Variants in SSPN observed in about 807,000 individuals in gnomAD.
SSPN encodes the protein sarcospan, also known as K-ras oncogene-associated protein.
A neutral mutation model predicts 19.1 loss-of-function variants in SSPN; 15 were observed. The ratio of observed to expected loss-of-function variants is 0.78; its 90% CI spans 0.52 to 1.21. SSPN has a LOEUF of 1.21. Ranked by LOEUF, SSPN falls within the 50% of genes most tolerant of loss-of-function variation. SSPN has a pLI of 0.00. For missense variants in SSPN, 291 were observed against 314.0 expected (o/e 0.93, Z 0.55); for synonymous variants, 147 against 140.3 (o/e 1.05, Z -0.34).
At position 26,129,905 on chromosome 12, in the gene SSPN, C is replaced by T. The variant is rs552111216; in HGVS notation, c.-31+7753C>T. ...TTCATGCAGGCTGTTCTGCATTTCA[C>T]GTGTGCTCAAAATTCCTGGAGTTCT... On this transcript the variant is annotated intron_variant, in intron 1 of 2. Coordinates refer to the SSPN transcript ENST00000538142. Among the ~76,000 whole-genome samples the T allele has an allele frequency of 3.9e-5, 6 of 152,274 alleles. No homozygotes were observed. In the South Asian group the frequency reaches 1.0e-3, roughly 26 times the overall value.
At chr12:26,229,826 T>C (rs986706865) in intron 2 of SSPN, among the ~76,000 whole-genome samples, 4 of 152,248 alleles carry the variant, frequency 2.6e-5, no homozygotes, top group African/African-American at 9.6e-5. Flanking sequence ...CACAAAAATA[T>C]TTCTTGTTCC....
At chr12:26,147,487 T>C (rs542902459) in intron 1 of SSPN, among the ~76,000 whole-genome samples, 1 of 152,308 alleles carries the variant, frequency 6.6e-6, no homozygotes, top group African/African-American at 2.4e-5. Context: ...GCCAGGTTGG[T>C]CTTGAACTCC....
At position 26,232,015 on chromosome 12, in the gene SSPN, AAATT is replaced by A; in HGVS notation, c.*941_*944del. The A allele has an allele frequency of 1.0e-6, 1 of 985,372 alleles. No homozygotes were observed. The highest frequency in any genetic ancestry group is 1.2e-6 in the Non-Finnish European group (1 of 829,882). 61.0% of individuals were successfully genotyped at this position (985,372 alleles called of 1,614,324 possible). A position where few individuals can be genotyped will look rare whatever the true frequency, so the allele number is the denominator to read the frequency against. On this transcript the variant is annotated 3_prime_UTR_variant, in exon 3 of 3. Transcript: ENST00000242729. ...AAGCCAAGCACCACAAGGAAAAAAA[AAATT>A]ATTAATAGCTCAGGTTAAAAACACC...
intron 1 of SSPN, among the ~76,000 whole-genome samples, chr12:26,127,485 G>A (rs1944373303): frequency 6.6e-6 from 1 of 151,694 alleles, no homozygotes; most frequent in Admixed American, 6.6e-5. Flanking sequence ...CCCCACTTCC[G>A]TACCCTTTTC....
At chr12:26,193,768 A>G (rs1944803394), upstream of SSPN, among the ~76,000 whole-genome samples, 1 of 152,168 alleles carries the variant, frequency 6.6e-6, no homozygotes, top group Admixed American at 6.5e-5. Context: ...CTCTGCATGG[A>G]ACTGGGATGT....
In SSPN at chr12:26,124,464, G is replaced by T. The variant is rs562587349; in HGVS notation, c.-31+2312G>T. 1.8e-5 allele frequency: 28 copies of T among 1,544,532 alleles called. No homozygotes were observed. The East Asian group carries it at 5.4e-4, about 30-fold the overall frequency. ...GGCAGAGCTTCACTGTGAAATCAAT[G>T]GCTCTAATTAACTACCCATGCAGGT... On this transcript the variant is annotated intron_variant, in intron 1 of 2. Coordinates refer to the SSPN transcript ENST00000538142.
chr12:26,214,686 C>T (rs1301004539), intron 1 of SSPN: 2 of 152,160 alleles, frequency 1.3e-5, no homozygotes, highest in Non-Finnish European at 2.9e-5. Context: ...TGAACTGTTA[C>T]TTGATGTTTC....
Position 26,232,406 on chromosome 12 carries a change from A to T in SSPN, c.*1330A>T, listed in dbSNP as rs993660413. The stretch of plus-strand genomic sequence containing the variant: ...TGCTATTAAATTCTGAACTGTATCC[A>T]TATTTTAAGGAAGGAGCTAAAAATG... On this transcript the variant is annotated 3_prime_UTR_variant, in exon 3 of 3. Coordinates refer to ENST00000242729, the MANE Select transcript of SSPN (RefSeq NM_005086.5). 1.0e-6 allele frequency: 1 copy of T among 985,324 alleles called. No homozygotes were observed. The highest frequency in any genetic ancestry group is 1.2e-6 in the Non-Finnish European group (1 of 829,924). 61.0% of individuals were successfully genotyped at this position (985,324 alleles called of 1,614,324 possible). A position where few individuals can be genotyped will look rare whatever the true frequency, so the allele number is the denominator to read the frequency against.
chr12:26,152,855 G>T (rs1944533586), intron 1 of SSPN, among the ~76,000 whole-genome samples: 4 of 152,110 alleles, frequency 2.6e-5, no homozygotes, highest in African/African-American at 7.2e-5. Context: ...ATCTTATCTG[G>T]CTGCAGCCTC....
chr12:26,165,061 G>A (rs1248947167), intron 1 of SSPN, among the ~76,000 whole-genome samples: 1 of 152,126 alleles, frequency 6.6e-6, no homozygotes, highest in Non-Finnish European at 1.5e-5. Context: ...AAAATGCTTA[G>A]AGCATTTTTT....
rs1565685553 is a variant in SSPN, at chr12:26,201,047, T to TATATATATATATATA, written c.279+5108_279+5109insATAATATATATATAT. ...TATATATATATATATATATATATAT[T>TATATATATATATATA]ATATATATATATTTGGAAATAAAAT... On this transcript the variant is annotated intron_variant, in intron 1 of 2. Coordinates refer to ENST00000242729, the MANE Select transcript of SSPN (RefSeq NM_005086.5). 7.5e-3 allele frequency among the ~76,000 whole-genome samples: 381 copies of TATATATATATATATA among 50,902 alleles called. 8 individuals are homozygous for TATATATATATATATA. Among genetic ancestry groups the TATATATATATATATA allele is most frequent in the African/African-American group, 0.024 (238 of 9,900 alleles). The allele number at this position is 50,902 out of a possible 152,430, so 33.4% of individuals were successfully genotyped here.
At chr12:26,224,220 A>T in intron 1 of SSPN, 73 bp from the exon 2 acceptor site, 1 of 1,004,100 alleles carries the variant, frequency 1.0e-6, no homozygotes, top group South Asian at 1.3e-5. Flanking sequence ...CTGCAGGAAG[A>T]TACTGAGACT....
intron 1 of SSPN, among the ~76,000 whole-genome samples, chr12:26,130,789 C>A (rs1310840308): frequency 6.6e-6 from 1 of 152,182 alleles, no homozygotes; most frequent in Admixed American, 6.5e-5. Flanking sequence ...TTTCCACTCT[C>A]CACCAGCGTC....
chr12:26,156,529 T>TA (rs1437029665), intron 1 of SSPN, among the ~76,000 whole-genome samples: 1 of 152,084 alleles, frequency 6.6e-6, no homozygotes, highest in African/African-American at 2.4e-5. Flanking sequence ...CAAGGCTGAG[T>TA]AACAAACAAA....
intron 1 of SSPN, among the ~76,000 whole-genome samples, chr12:26,138,285 A>G (rs578246389): frequency 3.3e-5 from 5 of 152,224 alleles, no homozygotes; most frequent in African/African-American, 9.6e-5. Flanking sequence ...CAGAGGGCCA[A>G]CTGTATTTAA....
chr12:26,178,923 C>T (rs1343127241), intron 1 of SSPN, among the ~76,000 whole-genome samples: 1 of 152,232 alleles, frequency 6.6e-6, no homozygotes, highest in African/African-American at 2.4e-5. Context: ...ATTTGGCACT[C>T]ACCATGGGCC....
chr12:26,206,406 T>G (rs1944931855), intron 1 of SSPN, among the ~76,000 whole-genome samples: 1 of 152,222 alleles, frequency 6.6e-6, no homozygotes, highest in South Asian at 2.1e-4. Flanking sequence ...ACAATCCCAT[T>G]CCAATGTTAC....
intron 1 of SSPN, among the ~76,000 whole-genome samples, chr12:26,146,358 TCTGACTC>T (rs1469409848): frequency 2.0e-5 from 3 of 152,232 alleles, no homozygotes; most frequent in African/African-American, 7.2e-5. Context: ...TCACCCTCGT[TCTGACTC>T]CTGTTGTGCC....
At chr12:26,132,380 G>GA (rs1236148855) in intron 1 of SSPN, among the ~76,000 whole-genome samples, 5 of 152,290 alleles carry the variant, frequency 3.3e-5, no homozygotes, top group African/African-American at 1.2e-4. Flanking sequence ...TCTCTTAAGA[G>GA]AAAAGATCAC....
Sources: gnomAD v4.1 joint callset for allele counts (sites outside exome capture counted in the v4.1 genomes callset) on GRCh38, gnomAD v4.1.1 for gene constraint, MANE v1.5 for transcripts, NCBI Gene and HGNC (gene_info 2026-07-23, HGNC 2026-07-21) for gene names.